The following OCIAD2 variants were observed in gnomAD, a reference collection of about 807,000 sequenced individuals.
The protein encoded by OCIAD2 is OCIA domain containing 2, also known as OCIA domain-containing protein 2.
OCIAD2 carries 29 observed loss-of-function variants against 22.9 expected under a neutral mutation model. The ratio of observed to expected loss-of-function variants is 1.27; its 90% confidence interval spans 0.94 to 1.73. The LOEUF (loss-of-function observed/expected upper bound fraction) is 1.73. Among genes scored for constraint, OCIAD2 ranks in the 40% most tolerant of loss-of-function variants. OCIAD2 has a pLI of 0.00. For missense variants in OCIAD2, 189 were observed against 180.3 expected, an observed-to-expected ratio of 1.05 and a Z score of -0.28; for synonymous variants, 67 against 60.2, an observed-to-expected ratio of 1.11 and a Z score of -0.52.
Position 48,904,617 on chromosome 4 carries a change from G to A in OCIAD2, c.-62-6C>T. The A allele has an allele frequency of 1.4e-6, 2 of 1,386,528 alleles. No homozygotes were observed. The highest frequency in any genetic ancestry group is 2.1e-6 in the Non-Finnish European group (2 of 974,394). The allele number at this position is 1,386,528 out of a possible 1,614,324, so 85.9% of individuals were successfully genotyped here. On this transcript the variant is annotated splice_polypyrimidine_tract_variant and splice_region_variant and intron_variant, in intron 1 of 6. Transcript: ENST00000508632. Reference sequence around the variant, plus strand: ...CTTACTCCTTGACCCAGTGTCTAAGGAAGGTAGAAGAGAATCACTATGCCA... The same window carrying A: ...CTTACTCCTTGACCCAGTGTCTAAGAAAGGTAGAAGAGAATCACTATGCCA...
Position 48,893,004 on chromosome 4 carries a change from G to A in OCIAD2, c.266-115C>T, listed in dbSNP as rs73815399. 1.0e-3 allele frequency: 613 copies of A among 613,592 alleles called. 1 individual carries two copies. The African/African-American group carries it at 0.01, about 10-fold the overall frequency. The allele number at this position is 613,592 out of a possible 1,614,324, so 38.0% of individuals were successfully genotyped here. A position where few individuals can be genotyped will look rare whatever the true frequency, so the allele number is the denominator to read the frequency against. On this transcript the variant is annotated intron_variant, in intron 5 of 6. Coordinates refer to ENST00000508632, the MANE Select transcript of OCIAD2 (RefSeq NM_001014446.3). ...ATTAAAAGGACCACGCTAAATCAAT[G>A]AATGAAGACTCTGAGAATGAAGTCT...
At chr4:48,896,990 G>C (rs768782862) in intron 4 of OCIAD2, among the ~76,000 whole-genome samples, 1 of 152,128 alleles carries the variant, frequency 6.6e-6, no homozygotes, top group East Asian at 1.9e-4. Context: ...GGCAGCTGCT[G>C]GTCCTTACGG....
In OCIAD2 at chr4:48,901,076, C is replaced by T. The variant is rs1429162690; in HGVS notation, c.67-1151G>A. Among the ~76,000 whole-genome samples the T allele has an allele frequency of 3.9e-5, 6 of 152,272 alleles. 1 individual carries two copies. The South Asian group carries it at 1.2e-3, about 32-fold the overall frequency. ...TTAATGTGGTTCTTTTATTTCTATCCATTCTTGCAAAATGTTCATTATTTT... is the reference window on the plus strand; with the variant it reads ...TTAATGTGGTTCTTTTATTTCTATCTATTCTTGCAAAATGTTCATTATTTT... On this transcript the variant is annotated intron_variant, in intron 2 of 6. Transcript: ENST00000508632.
intron 4 of OCIAD2, among the ~76,000 whole-genome samples, chr4:48,895,161 C>A (rs1293610623): frequency 6.6e-6 from 1 of 152,190 alleles, no homozygotes; most frequent in African/African-American, 2.4e-5. Context: ...AAGAACACAG[C>A]TGGGGCGACG....
intron 4 of OCIAD2, among the ~76,000 whole-genome samples, chr4:48,895,292 G>A (rs1781279396): frequency 6.6e-6 from 1 of 152,164 alleles, no homozygotes; most frequent in African/African-American, 2.4e-5. Flanking sequence ...ATAGAAAACT[G>A]ATATCAAACT....
chr4:48,904,304 G>T (rs1429356488), intron 2 of OCIAD2, among the ~76,000 whole-genome samples, 180 bp downstream of exon 2: 2 of 152,006 alleles, frequency 1.3e-5, no homozygotes, highest in Non-Finnish European at 2.9e-5. Context: ...AAAAAAATTA[G>T]CCAGGCATGT....
chr4:48,904,523 G>A lies in OCIAD2; in HGVS notation c.27C>T (p.Asn9=), dbSNP rs774376725. 6 of 1,613,936 alleles carry A rather than the reference G, an allele frequency of 3.7e-6. No individual in the cohort carries two copies. Among genetic ancestry groups the A allele is most frequent in the Non-Finnish European group, 5.1e-6 (6 of 1,180,016 alleles). ...GTGGAAAATGGGCATCTTTATCTTG[G>A]TTTCCACGAGCAGACGCTGAAGCCA... MASASARG[N]QDKDAHFPPP... Residue 9 remains asparagine, a synonymous_variant, in exon 2 of 7, where the codon AAC becomes AAT. Coordinates refer to ENST00000508632, the MANE Select transcript of OCIAD2 (RefSeq NM_001014446.3).
rs534268101 is a variant in OCIAD2, at chr4:48,894,080, T to C, written c.218-27A>G. 3.8e-5 allele frequency: 44 copies of C among 1,161,890 alleles called. No homozygotes were observed. In the East Asian group the frequency reaches 1.0e-3, roughly 27 times the overall value. 72.0% of individuals were successfully genotyped at this position (1,161,890 alleles called of 1,614,324 possible). A position where few individuals can be genotyped will look rare whatever the true frequency, so the allele number is the denominator to read the frequency against. ...TAAGGAGTAATAAAGAAAAACATTA[T>C]TATTTCATTTCATAAATTAAATTAT... On this transcript the variant is annotated intron_variant, in intron 4 of 6. Transcript: ENST00000508632.
At chr4:48,889,757 T>TA in intron 6 of OCIAD2, among the ~76,000 whole-genome samples, 1 of 152,164 alleles carries the variant, frequency 6.6e-6, no homozygotes, top group Non-Finnish European at 1.5e-5. Flanking sequence ...CATTACTGGG[T>TA]ATATACCCAA....
Sources: allele counts gnomAD v4.1 joint callset (sites outside exome capture counted in the v4.1 genomes callset), GRCh38; gene constraint gnomAD v4.1.1; transcripts MANE v1.5; gene names NCBI Gene and HGNC (gene_info 2026-07-23, HGNC 2026-07-21).